Variants in TCP11L2 observed in about 807,000 individuals in gnomAD.
TCP11L2 encodes T-complex protein 11-like protein 2.
Under a neutral mutation model 50.7 loss-of-function variants are expected in TCP11L2, and 39 were observed. The observed-to-expected ratio is 0.77, with a 90% CI of 0.60 to 1.01. The LOEUF is 1.01. TCP11L2 is among the 50% of genes least tolerant of loss of function. TCP11L2 has a pLI of 0.00. For synonymous variants in TCP11L2, 192 were observed against 219.3 expected, an observed-to-expected ratio of 0.88 and a Z score of 1.10; for missense variants, 612 against 614.7, an observed-to-expected ratio of 1.00 and a Z score of 0.05.
intron 9 of TCP11L2, among the ~76,000 whole-genome samples, chr12:106,344,624 A>G (rs571965733): frequency 2.6e-5 from 4 of 152,334 alleles, no homozygotes; most frequent in African/African-American, 9.6e-5. Flanking sequence ...GCTGGAATGT[A>G]TGATTTTTGT....
intron 6 of TCP11L2, chr12:106,326,057 C>T (rs1213965902): frequency 6.6e-6 from 1 of 152,092 alleles, no homozygotes; most frequent in Non-Finnish European, 1.5e-5. Context: ...ACTGAGATGC[C>T]AGAGGTTGCA....
At position 106,314,568 on chromosome 12, in the gene TCP11L2, TGTGTGTGTGAGAGA is replaced by T. The variant is rs1338895944; in HGVS notation, c.293+77_293+90del. On this transcript the variant is annotated intron_variant, in intron 3 of 9. Coordinates refer to ENST00000299045, the MANE Select transcript of TCP11L2 (RefSeq NM_152772.3). ...GTGTGTGTGTGTGTGTGTGTGTGTG[TGTGTGTGTGAGAGA>T]GAGAGAGAGAGAGAGAGAGACAGAG... 1.8e-5 allele frequency: 18 copies of T among 1,005,206 alleles called. No individual in the cohort carries two copies. The African/African-American group carries it at 2.2e-4, about 12-fold the overall frequency. The allele number at this position is 1,005,206 out of a possible 1,614,324, so 62.3% of individuals were successfully genotyped here. A position where few individuals can be genotyped will look rare whatever the true frequency, so the allele number is the denominator to read the frequency against.
In TCP11L2 at chr12:106,346,743, C is replaced by A; in HGVS notation, c.*213C>A. 1 of 474,394 alleles carries A rather than the reference C, an allele frequency of 2.1e-6. No individual in the cohort carries two copies. Among genetic ancestry groups the A allele is most frequent in the Non-Finnish European group, 3.6e-6 (1 of 278,396 alleles). The allele number at this position is 474,394 out of a possible 1,614,324, so 29.4% of individuals were successfully genotyped here. A position where few individuals can be genotyped will look rare whatever the true frequency, so the allele number is the denominator to read the frequency against. On this transcript the variant is annotated 3_prime_UTR_variant, in exon 10 of 10. Transcript: ENST00000299045. ...CATCACATAGACCCTATTTGTGCAT[C>A]ATTTTCAAGTTTAAAACAAATATTT...
upstream of TCP11L2, among the ~76,000 whole-genome samples, chr12:106,299,829 A>G (rs1161625696): frequency 6.6e-6 from 1 of 152,254 alleles, no homozygotes; most frequent in East Asian, 1.9e-4. Flanking sequence ...TAGAAAAGTT[A>G]TAAGGCTGAG....
At position 106,329,284 on chromosome 12, in the gene TCP11L2, C is replaced by T. The variant is rs1010045216; in HGVS notation, c.772+5638C>T. 6.3e-5 allele frequency: 96 copies of T among 1,535,636 alleles called. No individual in the cohort carries two copies. In the African/African-American group the frequency reaches 9.6e-4, roughly 15 times the overall value. On this transcript the variant is annotated intron_variant, in intron 6 of 9. Transcript: ENST00000299045. ...GACTGAGTAGGTGCCCAGTGGTTTT[C>T]GTCAAATAAACGAATGAGTGGAAAA...
At chr12:106,337,140 G>A (rs2035947088) in intron 8 of TCP11L2, among the ~76,000 whole-genome samples, 1 of 152,080 alleles carries the variant, frequency 6.6e-6, no homozygotes, top group South Asian at 2.1e-4. Context: ...AGCTTCTGCT[G>A]GTTCCCCTTT....
At chr12:106,318,555 T>A in intron 4 of TCP11L2, 91 bp downstream of exon 4, 1 of 1,514,798 alleles carries the variant, frequency 6.6e-7, no homozygotes, top group Non-Finnish European at 8.9e-7. Context: ...TTATAAACAA[T>A]AGAAATTTAC....
At chr12:106,306,470 A>G (rs1171554339) in intron 1 of TCP11L2, among the ~76,000 whole-genome samples, 1 of 152,234 alleles carries the variant, frequency 6.6e-6, no homozygotes. Context: ...ACATTGGATA[A>G]CAGACAGTAG....
intron 9 of TCP11L2, 23 bp downstream of exon 9, chr12:106,341,021 G>T (rs2036080353): frequency 6.3e-7 from 1 of 1,577,274 alleles, no homozygotes. Context: ...ATTGATTTCT[G>T]CTTCAATTCC....
chr12:106,345,387 G>A (rs1289702136), intron 9 of TCP11L2, among the ~76,000 whole-genome samples: 1 of 152,188 alleles, frequency 6.6e-6, no homozygotes, highest in Non-Finnish European at 1.5e-5. Flanking sequence ...CTGTCCTGGG[G>A]AAACCTAGAT....
At chr12:106,315,738 C>T (rs1440711107) in intron 3 of TCP11L2, among the ~76,000 whole-genome samples, 3 of 152,206 alleles carry the variant, frequency 2.0e-5, no homozygotes, top group Non-Finnish European at 4.4e-5. Flanking sequence ...TGGAGCCACC[C>T]CTTTGGATCC....
At chr12:106,331,510 G>A (rs1415163813) in intron 6 of TCP11L2, among the ~76,000 whole-genome samples, 4 of 152,272 alleles carry the variant, frequency 2.6e-5, no homozygotes, top group South Asian at 2.1e-4. Flanking sequence ...AATAATCCCC[G>A]TCTTTAAAGG....
chr12:106,329,511 A>G, intron 6 of TCP11L2: 1 of 1,484,334 alleles, frequency 6.7e-7, no homozygotes. Flanking sequence ...ACTACAAATT[A>G]GAATCATCTG....
At chr12:106,346,124 T>C (rs2036222772) in intron 9 of TCP11L2, among the ~76,000 whole-genome samples, 162 bp from the exon 10 acceptor site, 1 of 152,092 alleles carries the variant, frequency 6.6e-6, no homozygotes. Context: ...CCAGCTTTGA[T>C]AGGAGGAACT....
chr12:106,314,054 C>G (rs1008012785), intron 2 of TCP11L2, among the ~76,000 whole-genome samples: 1 of 152,192 alleles, frequency 6.6e-6, no homozygotes, highest in Non-Finnish European at 1.5e-5. Flanking sequence ...GCGTGAGCCA[C>G]TGCGCCTGGC....
At chr12:106,337,937 A>G (rs1432457949) in intron 8 of TCP11L2, among the ~76,000 whole-genome samples, 3 of 152,178 alleles carry the variant, frequency 2.0e-5, no homozygotes, top group Non-Finnish European at 4.4e-5. Flanking sequence ...AATACAATCA[A>G]TTCTCAATTA....
At position 106,335,742 on chromosome 12, in the gene TCP11L2, G is replaced by A. The variant is rs748633033; in HGVS notation, c.876G>A (p.Lys292=). ...ALTPGAENTS[K]PSLSPTLVLN... ...CTCCTGGGGCCGAAAATACCTCCAA[G>A]CCAAGCCTGAGCCCTACTTTGGTGC... The change falls in exon 7 of 10, where the codon AAG becomes AAA. Residue 292 remains lysine, a synonymous_variant. Coordinates refer to ENST00000299045, the MANE Select transcript of TCP11L2 (RefSeq NM_152772.3). 6.2e-7 allele frequency: 1 copy of A among 1,614,174 alleles called. No individual in the cohort carries two copies. The highest frequency in any genetic ancestry group is 1.1e-5 in the South Asian group (1 of 91,080).
chr12:106,330,278 TAGA>T lies in TCP11L2; in HGVS notation c.773-5356_773-5354del, dbSNP rs1482878736. 3 of 985,086 alleles carry T rather than the reference TAGA, an allele frequency of 3.0e-6. No homozygotes were observed. In the East Asian group the frequency reaches 3.4e-4, roughly 111 times the overall value. 61.0% of individuals were successfully genotyped at this position (985,086 alleles called of 1,614,324 possible). A position where few individuals can be genotyped will look rare whatever the true frequency, so the allele number is the denominator to read the frequency against. ...ATGTAAGAGACATTTTATTCAAAGT[TAGA>T]AGAACTACTTAGAGCAAAAGTAAAT... On this transcript the variant is annotated intron_variant, in intron 6 of 9. Transcript: ENST00000299045.
At chr12:106,307,037 TCTC>T (rs1221317783) in intron 1 of TCP11L2, among the ~76,000 whole-genome samples, 1 of 152,166 alleles carries the variant, frequency 6.6e-6, no homozygotes. Flanking sequence ...TAAAAACCAA[TCTC>T]CTCTCTATCT....
Sources: allele counts gnomAD v4.1 joint callset (sites outside exome capture counted in the v4.1 genomes callset), GRCh38; gene constraint gnomAD v4.1.1; transcripts MANE v1.5; gene names NCBI Gene and HGNC (gene_info 2026-07-23, HGNC 2026-07-21).